The following ABTB3 variants were observed in gnomAD, a reference collection of about 807,000 sequenced individuals.
ABTB3 encodes the protein ankyrin repeat and BTB domain containing 3, also known as ankyrin repeat- and BTB/POZ domain-containing protein 3.
chr12:107,379,311 G>A, the ABTB3 span, among the ~76,000 whole-genome samples: 1 of 152,100 alleles, frequency 6.6e-6, no homozygotes, highest in South Asian at 2.1e-4. Flanking sequence ...TAGAATTGTA[G>A]CTCCCATAAT....
the ABTB3 span, among the ~76,000 whole-genome samples, chr12:107,522,108 T>G: frequency 6.7e-6 from 1 of 149,430 alleles, no homozygotes; most frequent in South Asian, 2.1e-4. Flanking sequence ...CGCAGGGTGG[T>G]GGGGTGGGGG....
chr12:107,553,395 G>A, the ABTB3 span, among the ~76,000 whole-genome samples: 7 of 152,198 alleles, frequency 4.6e-5, no homozygotes, highest in Admixed American at 3.9e-4. Flanking sequence ...ACACGGTCAT[G>A]TAAGTTGCCC....
the ABTB3 span, among the ~76,000 whole-genome samples, chr12:107,378,518 T>C: frequency 1.3e-5 from 2 of 152,170 alleles, no homozygotes; most frequent in Non-Finnish European, 2.9e-5. Flanking sequence ...TCCAAGGTCT[T>C]ATAGCAAGTA....
At chr12:107,604,778 G>A in the ABTB3 span, among the ~76,000 whole-genome samples, 2 of 152,126 alleles carry the variant, frequency 1.3e-5, no homozygotes, top group African/African-American at 4.8e-5. Flanking sequence ...ATATCCAAAG[G>A]AAATGAAATC....
At chr12:107,371,262 T>C in the ABTB3 span, among the ~76,000 whole-genome samples, 4 of 152,022 alleles carry the variant, frequency 2.6e-5, no homozygotes, top group African/African-American at 7.3e-5. Flanking sequence ...GGCTGACGGA[T>C]TGGAGAGAAA....
At chr12:107,618,255 A>G in the ABTB3 span, 23 of 1,613,612 alleles carry the variant, frequency 1.4e-5, no homozygotes, top group Non-Finnish European at 1.9e-5. Context: ...CCTGGCGGAG[A>G]CAGCCCCGCC....
At chr12:107,335,208 G>A in the ABTB3 span, among the ~76,000 whole-genome samples, 1 of 139,634 alleles carries the variant, frequency 7.2e-6, no homozygotes, top group African/African-American at 2.6e-5. Flanking sequence ...GATCACTTAA[G>A]CCCAGGAGTT....
chr12:107,355,306 C>T, the ABTB3 span, among the ~76,000 whole-genome samples: 6 of 152,204 alleles, frequency 3.9e-5, no homozygotes, highest in African/African-American at 1.4e-4. Context: ...GTGGCTCTGA[C>T]ATGCCATTCT....
the ABTB3 span, among the ~76,000 whole-genome samples, chr12:107,423,713 G>C: frequency 6.6e-6 from 1 of 152,188 alleles, no homozygotes; most frequent in African/African-American, 2.4e-5. Context: ...GAATTATTCA[G>C]ACAAAAGTTT....
chr12:107,322,602 G>A, the ABTB3 span, among the ~76,000 whole-genome samples: 4 of 151,974 alleles, frequency 2.6e-5, no homozygotes, highest in Admixed American at 1.3e-4. Context: ...TTTGTTTATC[G>A]AAACTTATTA....
At chr12:107,630,098 A>G in the ABTB3 span, among the ~76,000 whole-genome samples, 1 of 152,186 alleles carries the variant, frequency 6.6e-6, no homozygotes, top group Non-Finnish European at 1.5e-5. Flanking sequence ...ACATGGACAG[A>G]TTCAAGGATG....
chr12:107,572,507 C>T, the ABTB3 span, among the ~76,000 whole-genome samples: 191 of 152,272 alleles, frequency 1.3e-3, 7 homozygotes, highest in South Asian at 0.032. Context: ...CCTAGGTGAT[C>T]TGGAGACTCC....
At chr12:107,642,018 A>G in the ABTB3 span, 1 of 1,373,558 alleles carries the variant, frequency 7.3e-7, no homozygotes, top group Non-Finnish European at 1.0e-6. Flanking sequence ...CATTGTCAGG[A>G]GAGCAGAGTT....
the ABTB3 span, among the ~76,000 whole-genome samples, chr12:107,365,989 G>T: frequency 6.6e-6 from 1 of 152,200 alleles, no homozygotes; most frequent in Non-Finnish European, 1.5e-5. Context: ...CCCAGATAAG[G>T]GATAACATAT....
the ABTB3 span, among the ~76,000 whole-genome samples, chr12:107,495,791 G>A: frequency 6.6e-6 from 1 of 152,178 alleles, no homozygotes; most frequent in African/African-American, 2.4e-5. Context: ...CTTTGCCCAG[G>A]TCACATAACT....
the ABTB3 span, among the ~76,000 whole-genome samples, chr12:107,417,607 A>G: frequency 6.6e-6 from 1 of 152,232 alleles, no homozygotes; most frequent in African/African-American, 2.4e-5. Flanking sequence ...TTTTAGCTGT[A>G]AAATGGAGAT....
the ABTB3 span, among the ~76,000 whole-genome samples, chr12:107,494,319 C>T: frequency 1.8e-4 from 28 of 152,246 alleles, no homozygotes; most frequent in African/African-American, 5.1e-4. Flanking sequence ...ACCCCACCCA[C>T]GGTAAAAGGG....
the ABTB3 span, among the ~76,000 whole-genome samples, chr12:107,550,213 C>G: frequency 5.3e-5 from 8 of 152,294 alleles, no homozygotes; most frequent in East Asian, 3.9e-4. Context: ...CAAGACTGCT[C>G]TAGCAGAGAT....
At chr12:107,605,627 G>T in the ABTB3 span, among the ~76,000 whole-genome samples, 1 of 152,256 alleles carries the variant, frequency 6.6e-6, no homozygotes, top group Admixed American at 6.5e-5. Flanking sequence ...TATCCCCAGT[G>T]CACTGGAAGG....
Sources: allele counts gnomAD v4.1 joint callset (sites outside exome capture counted in the v4.1 genomes callset), GRCh38; gene constraint gnomAD v4.1.1; transcripts MANE v1.5; gene names NCBI Gene and HGNC (gene_info 2026-07-23, HGNC 2026-07-21).